ARPC1B: variants seen among roughly 807,000 people sequenced by gnomAD.
The protein encoded by ARPC1B is actin-related protein 2/3 complex subunit 1B.
ARPC1B carries 29 observed loss-of-function variants against 46.0 expected under a neutral mutation model. That is an observed-to-expected ratio of 0.63 (90% confidence interval 0.47 to 0.86). The LOEUF (loss-of-function observed/expected upper bound fraction) is 0.86, where lower values mean the gene tolerates loss of function less well. Ranked by LOEUF, ARPC1B falls within the 40% of genes least tolerant of loss-of-function variation. The pLI is 0.00. For missense variants in ARPC1B, 469 were observed against 529.4 expected, an observed-to-expected ratio of 0.89 and a Z score of 1.12; for synonymous variants, 201 against 213.9, an observed-to-expected ratio of 0.94 and a Z score of 0.53.
chr7:99,376,653 C>G (rs991274115), intron 1 of ARPC1B: 2 of 152,258 alleles, frequency 1.3e-5, no homozygotes, highest in Admixed American at 6.6e-5. Context: ...GGCAGATTAC[C>G]TGAGGTCGGG....
intron 1 of ARPC1B, among the ~76,000 whole-genome samples, chr7:99,376,066 A>C (rs2150883710): frequency 6.6e-6 from 1 of 151,806 alleles, no homozygotes; most frequent in Middle Eastern, 3.4e-3. Flanking sequence ...CGTCTCAAAA[A>C]AAAAAAAAAA....
Position 99,388,196 on chromosome 7 carries a change from C to T in ARPC1B, c.327C>T (p.Asn109=), listed in dbSNP as rs1393688813. ...ARCVRWAPNE[N]KFAVGSGSRV... ...GCGTGCGCTGGGCCCCCAACGAGAA[C>T]AAGTTTGCTGTGGGCAGCGGCTCTC... The change falls in exon 4 of 10, where the codon AAC becomes AAT. Residue 109 remains asparagine, a synonymous_variant. Transcript: ENST00000646101. 2 of 1,614,240 alleles carry T rather than the reference C, an allele frequency of 1.2e-6. No individual in the cohort carries two copies. The highest frequency in any genetic ancestry group is 1.7e-6 in the Non-Finnish European group (2 of 1,180,024).
chr7:99,385,029 G>C (rs562593614), intron 1 of ARPC1B, among the ~76,000 whole-genome samples: 1 of 139,822 alleles, frequency 7.2e-6, no homozygotes, highest in Admixed American at 7.6e-5. Flanking sequence ...GCAGTGGTGC[G>C]ATCTCGGCTT....
intron 1 of ARPC1B, among the ~76,000 whole-genome samples, chr7:99,375,379 G>C (rs1287184984): frequency 2.0e-5 from 3 of 152,184 alleles, no homozygotes; most frequent in Non-Finnish European, 4.4e-5. Context: ...CCCGGGCCAG[G>C]TCCGAGGGGT....
At position 99,394,795 on chromosome 7, in the gene ARPC1B, A is replaced by T. The variant is rs1051751092; in HGVS notation, c.*306A>T. The T allele has an allele frequency of 3.2e-5, 40 of 1,236,400 alleles. 1 individual carries two copies. The African/African-American group carries it at 3.4e-4, about 11-fold the overall frequency. 76.6% of individuals were successfully genotyped at this position (1,236,400 alleles called of 1,614,324 possible). A position where few individuals can be genotyped will look rare whatever the true frequency, so the allele number is the denominator to read the frequency against. On this transcript the variant is annotated 3_prime_UTR_variant, in exon 10 of 10. Transcript: ENST00000646101. ...GCAACTGTGTAAAAAAAAAAAAAAA[A>T]AAAAAAGTAATTATGGACATGCTTG...
intron 9 of ARPC1B, 156 bp downstream of exon 9, chr7:99,394,275 G>C (rs1794690254): frequency 1.9e-6 from 2 of 1,046,466 alleles, no homozygotes; most frequent in Admixed American, 1.9e-5. Context: ...TCTGGGCCTT[G>C]GTGCTCACTG....
In ARPC1B at chr7:99,386,758, C is replaced by T. The variant is rs771770090; in HGVS notation, c.138C>T (p.His46=). The change falls in exon 3 of 10, where the codon CAC becomes CAT. Residue 46 remains histidine, a synonymous_variant. Coordinates refer to ENST00000646101, the MANE Select transcript of ARPC1B (RefSeq NM_005720.4). ...GCGGTGCCAAATGGACCAAGGTGCACGAGCTCAAGGAGCACAACGGGCAGG... is the reference window on the plus strand; with the variant it reads ...GCGGTGCCAAATGGACCAAGGTGCATGAGCTCAAGGAGCACAACGGGCAGG... ...EKSGAKWTKV[H]ELKEHNGQVT... is the part of the protein sequence containing the mutation. 1.1e-5 allele frequency: 17 copies of T among 1,613,822 alleles called. No homozygotes were observed. The highest frequency in any genetic ancestry group is 1.3e-5 in the Non-Finnish European group (15 of 1,179,962).
chr7:99,377,720 T>C (rs1330639591), intron 1 of ARPC1B, among the ~76,000 whole-genome samples: 1 of 151,660 alleles, frequency 6.6e-6, no homozygotes, highest in Non-Finnish European at 1.5e-5. Context: ...CTGCAACCTC[T>C]TCCTCTCGAG....
rs772559080 is a variant in ARPC1B at position 99,389,920 on chromosome 7, C to T, written c.408C>T (p.His136=). The T allele has an allele frequency of 1.2e-5, 20 of 1,614,046 alleles. No individual in the cohort carries two copies. In the African/African-American group the frequency reaches 2.4e-4, roughly 19 times the overall value. ...CCGTTCCCAGGTGGGTTTGCAAGCA[C>T]ATCAAGAAGCCCATCCGCTCCACCG... ...EQENDWWVCK[H]IKKPIRSTVL... is the part of the protein sequence containing the mutation. The change falls in exon 5 of 10, where the codon CAC becomes CAT. Residue 136 remains histidine, a synonymous_variant. Transcript: ENST00000646101.
intron 1 of ARPC1B, among the ~76,000 whole-genome samples, chr7:99,375,236 C>T (rs1056472667): frequency 6.6e-6 from 1 of 152,114 alleles, no homozygotes; most frequent in African/African-American, 2.4e-5. Flanking sequence ...TTCGGGCCGG[C>T]GGGGCCCCAC....
rs1562814043 is a variant in ARPC1B at position 99,385,818 on chromosome 7, CT to C, written c.64+41del. ...GGGGCCGGTGGGTGGCTGCTTCCAC[CT>C]CCTGGGATGGGGACCAGCCAGAGCA... On this transcript the variant is annotated intron_variant, in intron 2 of 9. Transcript: ENST00000646101. 3.2e-6 allele frequency: 5 copies of C among 1,578,164 alleles called. No homozygotes were observed. The South Asian group carries it at 5.7e-5, about 18-fold the overall frequency.
chr7:99,383,289 T>C (rs1473226003), intron 1 of ARPC1B, among the ~76,000 whole-genome samples: 1 of 151,930 alleles, frequency 6.6e-6, no homozygotes, highest in Non-Finnish European at 1.5e-5. Context: ...ATCACACCAC[T>C]GCACTCCAGC....
intron 1 of ARPC1B, among the ~76,000 whole-genome samples, chr7:99,382,929 C>G (rs1794272517): frequency 6.9e-6 from 1 of 144,772 alleles, no homozygotes; most frequent in African/African-American, 2.6e-5. Flanking sequence ...ACTGCGACCT[C>G]TGCCTCTCAG....
chr7:99,385,616 G>C (rs1396883670), intron 1 of ARPC1B, 86 bp from the exon 2 acceptor site: 24 of 1,215,124 alleles, frequency 2.0e-5, no homozygotes, highest in Non-Finnish European at 2.6e-5. Context: ...TGTGAGGCCT[G>C]TGAGGATCAT....
At chr7:99,392,377 C>T (rs1794595885) in intron 7 of ARPC1B, among the ~76,000 whole-genome samples, 1 of 152,152 alleles carries the variant, frequency 6.6e-6, no homozygotes, top group Non-Finnish European at 1.5e-5. Context: ...TTGCTTTTTG[C>T]CTAGAAAAGC....
chr7:99,383,550 G>A (rs1794289761), intron 1 of ARPC1B, among the ~76,000 whole-genome samples: 1 of 152,240 alleles, frequency 6.6e-6, no homozygotes, highest in Non-Finnish European at 1.5e-5. Flanking sequence ...GTGCATGTCT[G>A]ATGGTGACTG....
chr7:99,375,594 C>A (rs1429485507), intron 1 of ARPC1B, among the ~76,000 whole-genome samples: 1 of 152,208 alleles, frequency 6.6e-6, no homozygotes, highest in Admixed American at 6.5e-5. Flanking sequence ...CAGACCTCCC[C>A]CTGCCTCCTC....
Position 99,388,207 on chromosome 7 carries a change from T to C in ARPC1B, c.338T>C (p.Val113Ala). ...RWAPNENKFA[V>A]GSGSRVISIC... ...GCCCCCAACGAGAACAAGTTTGCTG[T>C]GGGCAGCGGCTCTCGTGTGATCTCC... Residue 113 changes from valine (V) to alanine (A), a missense_variant, in exon 4 of 10, where the codon GTG (valine) becomes GCG (alanine). Val to Ala is a moderately conservative substitution (Grantham distance 64, BLOSUM62 0). Transcript: ENST00000646101. The C allele has an allele frequency of 6.2e-7, 1 of 1,614,186 alleles. No individual in the cohort carries two copies.
chr7:99,378,317 C>G (rs1236260693), intron 1 of ARPC1B, among the ~76,000 whole-genome samples: 1 of 151,840 alleles, frequency 6.6e-6, no homozygotes, highest in East Asian at 2.0e-4. Flanking sequence ...AAGTGATCCA[C>G]CTGGCTTGGC....
Sources: allele counts gnomAD v4.1 joint callset (sites outside exome capture counted in the v4.1 genomes callset), GRCh38; gene constraint gnomAD v4.1.1; transcripts MANE v1.5; gene names NCBI Gene and HGNC (gene_info 2026-07-23, HGNC 2026-07-21).